The following ATAD1 variants were observed in gnomAD, a reference collection of about 807,000 sequenced individuals.
ATAD1 encodes outer mitochondrial transmembrane helix translocase.
ATAD1 carries 18 observed loss-of-function variants against 42.7 expected under a neutral mutation model. The ratio of observed to expected loss-of-function variants is 0.42; its 90% confidence interval spans 0.29 to 0.63. The LOEUF (loss-of-function observed/expected upper bound fraction) is 0.63, where lower values mean the gene tolerates loss of function less well. ATAD1 is among the 20% of genes least tolerant of loss of function. The pLI is 0.19. For missense variants in ATAD1, 294 were observed against 440.4 expected (o/e 0.67, Z 2.98); for synonymous variants, 132 against 143.1 (o/e 0.92, Z 0.55).
At chr10:87,790,200 C>A in intron 4 of ATAD1, 110 bp downstream of exon 4, 1 of 1,285,616 alleles carries the variant, frequency 7.8e-7, no homozygotes. Flanking sequence ...ACATAGATCT[C>A]AGCATCCTCT....
intron 5 of ATAD1, among the ~76,000 whole-genome samples, chr10:87,781,889 C>T (rs193163571): frequency 1.0e-3 from 159 of 152,124 alleles, no homozygotes; most frequent in African/African-American, 3.6e-3. Flanking sequence ...AAGGAAACCT[C>T]CTGCCTTGGC....
At chr10:87,802,600 G>A (rs1313876941) in intron 2 of ATAD1, among the ~76,000 whole-genome samples, 4 of 149,370 alleles carry the variant, frequency 2.7e-5, no homozygotes, top group Non-Finnish European at 4.4e-5. Context: ...CCGAGATCCC[G>A]CCACCGCACT....
intron 2 of ATAD1, among the ~76,000 whole-genome samples, chr10:87,800,619 A>T (rs567696694): frequency 9.9e-5 from 15 of 152,242 alleles, no homozygotes; most frequent in African/African-American, 3.1e-4. Context: ...TAAAAAAAAA[A>T]ATTTTTAATT....
intron 6 of ATAD1, among the ~76,000 whole-genome samples, chr10:87,773,300 C>A (rs571482800): frequency 2.6e-5 from 4 of 152,294 alleles, no homozygotes; most frequent in African/African-American, 9.6e-5. Context: ...TGTCTCATGT[C>A]TCTCAAGAGG....
chr10:87,838,737 TC>T (rs1446657456), intron 1 of ATAD1, among the ~76,000 whole-genome samples: 4 of 140,698 alleles, frequency 2.8e-5, no homozygotes, highest in African/African-American at 1.1e-4. Context: ...TCATTCATAT[TC>T]TCTCTCTCTC....
chr10:87,812,738 G>T lies in ATAD1; in HGVS notation c.162+1700C>A, dbSNP rs560723496. 2.0e-5 allele frequency among the ~76,000 whole-genome samples: 3 copies of T among 152,294 alleles called. No homozygotes were observed. In the East Asian group the frequency reaches 5.8e-4, roughly 29 times the overall value. ...CAAAAAGTATCCCTCCTTTTCAGTT[G>T]ATGATGGATTCTAAAATGCTGTGTA... is the stretch of plus-strand genomic sequence containing the variant. On this transcript the variant is annotated intron_variant, in intron 2 of 9. Coordinates refer to ENST00000680024, the MANE Select transcript of ATAD1 (RefSeq NM_001321967.2).
At chr10:87,797,269 G>T (rs1388528500) in intron 2 of ATAD1, among the ~76,000 whole-genome samples, 2 of 151,554 alleles carry the variant, frequency 1.3e-5, no homozygotes, top group Non-Finnish European at 2.9e-5. Context: ...CCAAATTATG[G>T]GTAACAAAAC....
At chr10:87,805,063 T>G (rs542220179) in intron 2 of ATAD1, among the ~76,000 whole-genome samples, 23 of 152,326 alleles carry the variant, frequency 1.5e-4, no homozygotes, top group African/African-American at 5.1e-4. Context: ...ATCTTCTACC[T>G]CTCATCTCAA....
intron 6 of ATAD1, among the ~76,000 whole-genome samples, chr10:87,771,521 G>A (rs915513159): frequency 6.6e-6 from 1 of 152,060 alleles, no homozygotes; most frequent in Non-Finnish European, 1.5e-5. Context: ...TCTGGTAACT[G>A]TAATAGATAC....
chr10:87,798,998 C>A (rs1856551093), intron 2 of ATAD1, among the ~76,000 whole-genome samples: 1 of 152,056 alleles, frequency 6.6e-6, no homozygotes, highest in South Asian at 2.1e-4. Context: ...TATAAAAGAG[C>A]TCTAACTAAT....
chr10:87,796,100 C>T (rs1339445842), intron 2 of ATAD1, among the ~76,000 whole-genome samples: 2 of 152,148 alleles, frequency 1.3e-5, no homozygotes, highest in African/African-American at 2.4e-5. Context: ...TACAAACTTA[C>T]ATTAAAACTC....
chr10:87,837,246 T>A (rs1857946381), intron 1 of ATAD1, among the ~76,000 whole-genome samples: 2 of 152,230 alleles, frequency 1.3e-5, no homozygotes, highest in South Asian at 4.1e-4. Flanking sequence ...ATTATAAGAC[T>A]CTGGGTTTTG....
rs967678798 is a variant in ATAD1 at position 87,818,205 on chromosome 10, G to T, written c.-52C>A. On this transcript the variant is annotated 5_prime_UTR_variant, in exon 1 of 10. Transcript: ENST00000680024. Reference sequence around the variant, plus strand: ...CAGCAAGAGCAAGTGCCCTCAGCCGGCCTCACACAGGAAGGAAACGCAACC... The same window carrying T: ...CAGCAAGAGCAAGTGCCCTCAGCCGTCCTCACACAGGAAGGAAACGCAACC... 4.1e-6 allele frequency: 4 copies of T among 985,482 alleles called. No homozygotes were observed. Among genetic ancestry groups the T allele is most frequent in the Non-Finnish European group, 4.8e-6 (4 of 830,056 alleles). The allele number at this position is 985,482 out of a possible 1,614,324, so 61.0% of individuals were successfully genotyped here.
chr10:87,818,148 A>C lies in ATAD1; in HGVS notation c.-14+19T>G. On this transcript the variant is annotated intron_variant, in intron 1 of 9. Coordinates refer to ENST00000680024, the MANE Select transcript of ATAD1 (RefSeq NM_001321967.2). The stretch of plus-strand genomic sequence containing the variant: ...TACGACAACCATCCCATGAGGCCCC[A>C]CGGGAACCAGCTACTCACCCAGGGG... 2 of 985,650 alleles carry C rather than the reference A, an allele frequency of 2.0e-6. No individual in the cohort carries two copies. The highest frequency in any genetic ancestry group is 2.4e-6 in the Non-Finnish European group (2 of 830,084). 61.1% of individuals were successfully genotyped at this position (985,650 alleles called of 1,614,324 possible).
At chr10:87,814,369 A>G in intron 2 of ATAD1, 69 bp downstream of exon 2, 3 of 1,447,802 alleles carry the variant, frequency 2.1e-6, no homozygotes, top group Non-Finnish European at 2.8e-6. Context: ...AACTCTACCA[A>G]ATTTTTAGTT....
Position 87,818,150 on chromosome 10 carries a change from G to A in ATAD1, c.-14+17C>T, listed in dbSNP as rs777408510. On this transcript the variant is annotated intron_variant, in intron 1 of 9. Coordinates refer to ENST00000680024, the MANE Select transcript of ATAD1 (RefSeq NM_001321967.2). ...CGACAACCATCCCATGAGGCCCCAC[G>A]GGAACCAGCTACTCACCCAGGGGCA... 7.2e-5 allele frequency: 71 copies of A among 985,494 alleles called. No individual in the cohort carries two copies. The Middle Eastern group carries it at 3.6e-3, about 50-fold the overall frequency. The allele number at this position is 985,494 out of a possible 1,614,324, so 61.0% of individuals were successfully genotyped here.
At chr10:87,770,903 TAA>T (rs1243951776) in intron 7 of ATAD1, 47 bp downstream of exon 7, 4 of 1,524,592 alleles carry the variant, frequency 2.6e-6, no homozygotes, top group Non-Finnish European at 3.6e-6. Context: ...TGAAGACCTA[TAA>T]AAAGGTGAGT....
At chr10:87,831,620 A>G (rs959979449) in intron 1 of ATAD1, among the ~76,000 whole-genome samples, 7 of 152,190 alleles carry the variant, frequency 4.6e-5, no homozygotes, top group African/African-American at 9.7e-5. Flanking sequence ...ACCAGTCACA[A>G]TTTTGAGGGA....
At chr10:87,763,153 C>A (rs111445358) in intron 8 of ATAD1, among the ~76,000 whole-genome samples, 118 of 148,618 alleles carry the variant, frequency 7.9e-4, no homozygotes, top group African/African-American at 2.8e-3. Flanking sequence ...AAGTTCCTTA[C>A]CTAAAAAACA....
Sources: allele counts gnomAD v4.1 joint callset (sites outside exome capture counted in the v4.1 genomes callset), GRCh38; gene constraint gnomAD v4.1.1; transcripts MANE v1.5; gene names NCBI Gene and HGNC (gene_info 2026-07-23, HGNC 2026-07-21).